The following SPATA33 variants were observed in gnomAD, a reference collection of about 807,000 sequenced individuals.
SPATA33 encodes the protein spermatogenesis-associated protein 33.
SPATA33 carries 10 observed loss-of-function variants against 8.9 expected under a neutral mutation model. The observed-to-expected ratio is 1.12, with a 90% CI of 0.69 to 1.90. The LOEUF (loss-of-function observed/expected upper bound fraction) is 1.90, where lower values mean the gene tolerates loss of function less well. SPATA33 is among the 40% of genes most tolerant of loss of function. SPATA33 has a pLI of 0.00. For synonymous variants in SPATA33, 96 were observed against 72.8 expected (o/e 1.32, Z -1.63); for missense variants, 241 against 178.3 (o/e 1.35, Z -2.00).
chr16:89,662,292 T>TC (rs1555636786), intron 2 of SPATA33, among the ~76,000 whole-genome samples: 1 of 102,002 alleles, frequency 9.8e-6, no homozygotes, highest in African/African-American at 4.5e-5. Context: ...AGACTCCATC[T>TC]CAAAAAAAAA....
At chr16:89,665,263 G>T (rs2060010927) in intron 2 of SPATA33, among the ~76,000 whole-genome samples, 1 of 151,814 alleles carries the variant, frequency 6.6e-6, no homozygotes. Context: ...CCAAGGTGCT[G>T]GGATTACAGG....
chr16:89,661,841 C>T (rs1404693371), intron 2 of SPATA33, among the ~76,000 whole-genome samples: 5 of 152,002 alleles, frequency 3.3e-5, no homozygotes, highest in Admixed American at 6.6e-5. Flanking sequence ...ACCTGGGCTC[C>T]GTCACTCCTG....
At chr16:89,664,060 A>T (rs1167825566) in intron 2 of SPATA33, among the ~76,000 whole-genome samples, 1 of 152,176 alleles carries the variant, frequency 6.6e-6, no homozygotes, top group Non-Finnish European at 1.5e-5. Flanking sequence ...TTGGGGCTGC[A>T]GTGAGCCAAG....
At chr16:89,658,074 G>A (rs1176215368) in intron 1 of SPATA33, 126 bp downstream of exon 1, 3 of 1,470,330 alleles carry the variant, frequency 2.0e-6, no homozygotes, top group Non-Finnish European at 2.7e-6. Context: ...AACCGTTCCT[G>A]CCGCCGAGTC....
intron 2 of SPATA33, 23 bp downstream of exon 2, chr16:89,658,444 G>A: frequency 6.3e-7 from 1 of 1,580,246 alleles, no homozygotes; most frequent in East Asian, 2.3e-5. Context: ...GGGAGGGAGC[G>A]AAGCGAGGTC....
At chr16:89,669,248 C>T (rs376796149) in intron 2 of SPATA33, 38 bp from the exon 3 acceptor site, 90 of 1,594,554 alleles carry the variant, frequency 5.6e-5, no homozygotes, top group Non-Finnish European at 1.9e-5. Context: ...AGGAGCTTTC[C>T]ACACATCTAC....
rs2059913658 is a variant in SPATA33 at position 89,658,374 on chromosome 16, C to T, written c.164C>T (p.Pro55Leu). The T allele has an allele frequency of 6.2e-7, 1 of 1,612,894 alleles. No individual in the cohort carries two copies. The highest frequency in any genetic ancestry group is 8.5e-7 in the Non-Finnish European group (1 of 1,179,836). ...GAGAAGCCTGTGGACAGCCTCCACCCGGGGGCCGGGACAGCCAAGCACCCG... is the reference window on the plus strand; with the variant it reads ...GAGAAGCCTGTGGACAGCCTCCACCTGGGGGCCGGGACAGCCAAGCACCCG... ...ESEKPVDSLHPGAGTAKHPPP... is the reference protein window; with the variant it reads ...ESEKPVDSLHLGAGTAKHPPP... The change falls in exon 2 of 3, where the codon CCG (proline) becomes CTG (leucine). Residue 55 changes from proline (P) to leucine (L), a missense_variant. Physicochemically the swap from Pro to Leu is moderately conservative, Grantham distance 98. Coordinates refer to ENST00000579310, the MANE Select transcript of SPATA33 (RefSeq NM_001271907.2).
intron 2 of SPATA33, among the ~76,000 whole-genome samples, chr16:89,665,913 C>G (rs1203750691): frequency 4.6e-5 from 7 of 151,884 alleles, no homozygotes; most frequent in Non-Finnish European, 5.9e-5. Flanking sequence ...AAGCCCATCT[C>G]TACTAAAAAT....
At chr16:89,667,501 G>A (rs1051346559) in intron 2 of SPATA33, among the ~76,000 whole-genome samples, 4 of 151,904 alleles carry the variant, frequency 2.6e-5, no homozygotes, top group East Asian at 3.9e-4. Context: ...CTCTTGCCTC[G>A]GCACCTGGGT....
chr16:89,662,069 A>T (rs563718618), intron 2 of SPATA33, among the ~76,000 whole-genome samples: 15 of 152,238 alleles, frequency 9.9e-5, no homozygotes, highest in Middle Eastern at 3.4e-3. Context: ...AGACGGGTGG[A>T]TCACTTGAGG....
chr16:89,660,974 C>A (rs1392164321), intron 2 of SPATA33: 6 of 1,001,872 alleles, frequency 6.0e-6, no homozygotes, highest in Non-Finnish European at 7.1e-6. Context: ...GCCCCAAGAG[C>A]TTCCCTGTAC....
chr16:89,659,788 C>G (rs891244630), intron 2 of SPATA33: 1 of 152,406 alleles, frequency 6.6e-6, no homozygotes, highest in East Asian at 1.9e-4. Flanking sequence ...GCCTGGACTG[C>G]TTCACACTGA....
intron 2 of SPATA33, among the ~76,000 whole-genome samples, chr16:89,665,409 A>G (rs763176104): frequency 2.0e-5 from 3 of 150,948 alleles, no homozygotes; most frequent in Non-Finnish European, 4.4e-5. Context: ...GGTTCATGCC[A>G]TTCTCCTGTC....
chr16:89,669,568 A>C lies in SPATA33; in HGVS notation c.*71A>C. The C allele has an allele frequency of 6.7e-7, 1 of 1,500,714 alleles. No individual in the cohort carries two copies. The highest frequency in any genetic ancestry group is 9.1e-7 in the Non-Finnish European group (1 of 1,096,444). The allele number at this position is 1,500,714 out of a possible 1,614,324, so 93.0% of individuals were successfully genotyped here. A position where few individuals can be genotyped will look rare whatever the true frequency, so the allele number is the denominator to read the frequency against. On this transcript the variant is annotated 3_prime_UTR_variant, in exon 3 of 3. Transcript: ENST00000579310. ...TCGGGAACAGCCGCCTCACCCTGTGAGAAGCCGAGGCCCCTTCTCCAGTGC... is the reference window on the plus strand; with the variant it reads ...TCGGGAACAGCCGCCTCACCCTGTGCGAAGCCGAGGCCCCTTCTCCAGTGC...
At chr16:89,661,379 A>C (rs1221508417) in intron 2 of SPATA33, 1 of 214,734 alleles carries the variant, frequency 4.7e-6, no homozygotes, top group Admixed American at 6.5e-5. Context: ...TTTCCTGCAT[A>C]AGCTCTCTCT....
At chr16:89,661,220 G>A (rs1021345276) in intron 2 of SPATA33, 50 of 985,254 alleles carry the variant, frequency 5.1e-5, no homozygotes, top group Non-Finnish European at 6.0e-5. Context: ...ATGTGGCTTG[G>A]CTGTGTCCTC....
Position 89,658,409 on chromosome 16 carries a change from G to C in SPATA33, c.199G>C (p.Ala67Pro). 1 of 1,609,238 alleles carries C rather than the reference G, an allele frequency of 6.2e-7. No individual in the cohort carries two copies. Residue 67 changes from alanine to proline, a missense_variant, in exon 2 of 3, where the codon GCT (alanine) becomes CCT (proline). Transcript: ENST00000579310. ...GACAGCCAAGCACCCGCCGCCGGCA[G>C]CTTCGCTGGAAGGTAGGAGACGGCG... is the stretch of plus-strand genomic sequence containing the variant. ...AGTAKHPPPA[A>P]SLEEKPDVKQ...
intron 2 of SPATA33, among the ~76,000 whole-genome samples, chr16:89,663,020 C>CCGACCTCAGG (rs1187695516): frequency 6.7e-6 from 1 of 148,596 alleles, no homozygotes; most frequent in African/African-American, 2.5e-5. Context: ...TCTCAAACTC[C>CCGACCTCAGG]TGACTTTGTG....
intron 2 of SPATA33, chr16:89,661,312 G>A: frequency 4.5e-6 from 3 of 670,438 alleles, no homozygotes; most frequent in Non-Finnish European, 5.5e-6. Flanking sequence ...TCTTTCCTGT[G>A]CTGTTTTCGT....
Sources: gnomAD v4.1 joint callset for allele counts (sites outside exome capture counted in the v4.1 genomes callset) on GRCh38, gnomAD v4.1.1 for gene constraint, MANE v1.5 for transcripts, NCBI Gene and HGNC (gene_info 2026-07-23, HGNC 2026-07-21) for gene names.